The following SLC2A12 variants were observed in gnomAD, a reference collection of about 807,000 sequenced individuals.
SLC2A12 encodes the protein solute carrier family 2, facilitated glucose transporter member 12.
In SLC2A12, 23 loss-of-function variants were observed where a neutral mutation model predicts 41.8. The observed-to-expected ratio is 0.55, with a 90% CI of 0.40 to 0.78. The LOEUF (loss-of-function observed/expected upper bound fraction) is 0.78. SLC2A12 is among the 30% of genes least tolerant of loss of function. The pLI, the probability that SLC2A12 is intolerant of heterozygous loss-of-function variation, is 0.00. For synonymous variants in SLC2A12, 295 were observed against 285.9 expected (o/e 1.03, Z -0.32); for missense variants, 654 against 745.6 (o/e 0.88, Z 1.43).
chr6:134,019,601 G>T (rs1237051804), intron 2 of SLC2A12, among the ~76,000 whole-genome samples: 1 of 152,180 alleles, frequency 6.6e-6, no homozygotes, highest in East Asian at 1.9e-4. Context: ...TGACATACGG[G>T]TTTTAATATT....
rs1387363833 is a variant in SLC2A12 at position 133,989,553 on chromosome 6, A to G, written c.*1602T>C. On this transcript the variant is annotated 3_prime_UTR_variant, in exon 5 of 5. Transcript: ENST00000275230. ...CTTCTCTTTCCAAAAACAAAAAACA[A>G]TGCATGCTCTGATTTGCGTATGAAA... 6.6e-6 allele frequency: 1 copy of G among 152,168 alleles called. No individual in the cohort carries two copies. Among genetic ancestry groups the G allele is most frequent in the African/African-American group, 2.4e-5 (1 of 41,450 alleles). 9.4% of individuals were successfully genotyped at this position (152,168 alleles called of 1,614,324 possible).
chr6:134,015,022 A>G (rs973159931), intron 2 of SLC2A12, among the ~76,000 whole-genome samples: 5 of 152,238 alleles, frequency 3.3e-5, no homozygotes, highest in African/African-American at 1.2e-4. Flanking sequence ...AACCACATGA[A>G]TGCTGTTTTC....
Position 133,989,933 on chromosome 6 carries a change from A to G in SLC2A12, c.*1222T>C, listed in dbSNP as rs969746846. The G allele has an allele frequency of 1.3e-5, 2 of 152,368 alleles. No homozygotes were observed. The highest frequency in any genetic ancestry group is 2.9e-5 in the Non-Finnish European group (2 of 68,044). 9.4% of individuals were successfully genotyped at this position (152,368 alleles called of 1,614,324 possible). ...CTTTTAAGTTTTTTGTGTGTCTTCCATCACTTAAATATTAGTAATTTAATA... is the reference window on the plus strand; with the variant it reads ...CTTTTAAGTTTTTTGTGTGTCTTCCGTCACTTAAATATTAGTAATTTAATA... On this transcript the variant is annotated 3_prime_UTR_variant, in exon 5 of 5. Transcript: ENST00000275230.
At chr6:134,032,870 C>G (rs1239474724) in intron 1 of SLC2A12, among the ~76,000 whole-genome samples, 3 of 138,598 alleles carry the variant, frequency 2.2e-5, no homozygotes, top group Non-Finnish European at 4.6e-5. Flanking sequence ...TAATATATTA[C>G]ATATATTATA....
intron 1 of SLC2A12, 61 bp from the exon 2 acceptor site, chr6:134,029,782 A>T (rs1777176695): frequency 6.6e-7 from 1 of 1,518,286 alleles, no homozygotes; most frequent in Non-Finnish European, 8.8e-7. Flanking sequence ...AACATTTTGT[A>T]TTTGAGCGGA....
rs759250134 is a variant in SLC2A12, at chr6:134,029,676, C to G, written c.149G>C (p.Ser50Thr). 15 of 1,610,500 alleles carry G rather than the reference C, an allele frequency of 9.3e-6. No homozygotes were observed. The South Asian group carries it at 1.6e-4, about 18-fold the overall frequency. The change falls in exon 2 of 5, where the codon AGT becomes ACT. Residue 50 changes from serine (S) to threonine (T), a missense_variant. Transcript: ENST00000275230. ...TFLSSVTAAVSGLLVGYELGI... is the reference protein window; with the variant it reads ...TFLSSVTAAVTGLLVGYELGI... Reference sequence around the variant, plus strand: ...AAGTTCATAACCCACCAGGAGGCCACTGACAGCAGCAGTGACAGATGACAG... The same window carrying G: ...AAGTTCATAACCCACCAGGAGGCCAGTGACAGCAGCAGTGACAGATGACAG...
intron 1 of SLC2A12, among the ~76,000 whole-genome samples, chr6:134,032,473 T>C (rs1337451267): frequency 1.7e-5 from 1 of 59,830 alleles, no homozygotes; most frequent in Admixed American, 1.8e-4. Flanking sequence ...TATTTTTATA[T>C]ATATATATAT....
At chr6:134,035,548 C>A (rs75933342) in intron 1 of SLC2A12, among the ~76,000 whole-genome samples, 2,306 of 152,292 alleles carry the variant, frequency 0.015, 62 homozygotes, top group African/African-American at 0.053. Flanking sequence ...CAAACCTAAG[C>A]ATAAAATCAG....
chr6:133,997,012 C>T (rs984334360), intron 4 of SLC2A12, among the ~76,000 whole-genome samples: 5 of 140,528 alleles, frequency 3.6e-5, no homozygotes, highest in Admixed American at 7.9e-5. Context: ...GAGGCAAAGG[C>T]GGGCAGATCA....
intron 2 of SLC2A12, among the ~76,000 whole-genome samples, chr6:134,021,650 A>G (rs140627154): frequency 1.5e-4 from 23 of 152,312 alleles, no homozygotes; most frequent in African/African-American, 5.1e-4. Context: ...AATAGCTCAG[A>G]GAAGAAAAAT....
intron 1 of SLC2A12, among the ~76,000 whole-genome samples, chr6:134,042,965 TCAAAACAAAA>T (rs71803176): frequency 0.18 from 27,388 of 149,500 alleles, 2,902 homozygotes; most frequent in South Asian, 0.38. Context: ...ACACTCTGTC[TCAAAACAAAA>T]CAAAACAAAA....
chr6:134,041,792 G>A (rs57630001), intron 1 of SLC2A12, among the ~76,000 whole-genome samples: 12,063 of 152,112 alleles, frequency 0.079, 1,040 homozygotes, highest in African/African-American at 0.21. Flanking sequence ...TGGTGATTTT[G>A]CACTTCTGTC....
At chr6:134,000,893 G>T (rs935250540) in intron 4 of SLC2A12, among the ~76,000 whole-genome samples, 2 of 152,118 alleles carry the variant, frequency 1.3e-5, no homozygotes, top group African/African-American at 4.8e-5. Flanking sequence ...ACGGTAGATG[G>T]TTAAGCCTGA....
chr6:134,041,899 C>T (rs1373272866), intron 1 of SLC2A12, among the ~76,000 whole-genome samples: 2 of 152,072 alleles, frequency 1.3e-5, no homozygotes, highest in African/African-American at 4.8e-5. Flanking sequence ...CCTGGCGTCT[C>T]CAGGAAGGGG....
chr6:134,014,525 C>T (rs987778807), intron 2 of SLC2A12, among the ~76,000 whole-genome samples: 3 of 152,286 alleles, frequency 2.0e-5, no homozygotes, highest in Non-Finnish European at 2.9e-5. Context: ...GTCATGGCTT[C>T]GGAGATCATA....
In SLC2A12 at chr6:134,003,742, A is replaced by G. The variant is rs375663085; in HGVS notation, c.1568-1613T>C. ...CAGGTTGCCCTCCTTCAGCGAACAC[A>G]CTGCAATTTTTAAATGGCCCTCTCG... On this transcript the variant is annotated intron_variant, in intron 3 of 4. Transcript: ENST00000275230. Among the ~76,000 whole-genome samples, 76 of 152,248 alleles carry G rather than the reference A, an allele frequency of 5.0e-4. 1 individual carries two copies. Among genetic ancestry groups the G allele is most frequent in the South Asian group, 2.7e-3 (13 of 4,826 alleles).
Position 134,028,494 on chromosome 6 carries a change from T to C in SLC2A12, c.1331A>G (p.His444Arg), listed in dbSNP as rs1296666347. The change falls in exon 2 of 5, where the codon CAC becomes CGC. Residue 444 changes from histidine to arginine, a missense_variant. By Grantham distance (29) the His-to-Arg change is conservative. Around this residue, in one of 3 missense-constraint regions of SLC2A12, gnomAD observed 411 missense variants for 412.1 expected, o/e 1.00. Coordinates refer to ENST00000275230, the MANE Select transcript of SLC2A12 (RefSeq NM_145176.3). ...SASLLNAGLSHTEYQIVTDPG... is the reference protein window; with the variant it reads ...SASLLNAGLSRTEYQIVTDPG... ...GTCTGTGACTATCTGGTATTCAGTG[T>C]GGCTTAATCCAGCATTTAGCAAGGA... 6.2e-7 allele frequency: 1 copy of C among 1,614,112 alleles called. No individual in the cohort carries two copies. The highest frequency in any genetic ancestry group is 8.5e-7 in the Non-Finnish European group (1 of 1,180,038).
intron 2 of SLC2A12, among the ~76,000 whole-genome samples, chr6:134,015,618 G>C (rs149119672): frequency 6.6e-6 from 1 of 152,236 alleles, no homozygotes; most frequent in Non-Finnish European, 1.5e-5. Flanking sequence ...GCCTTTGACT[G>C]TGGTGGTTCT....
intron 4 of SLC2A12, among the ~76,000 whole-genome samples, chr6:134,000,615 G>T (rs983451535): frequency 1.3e-5 from 2 of 152,114 alleles, no homozygotes; most frequent in East Asian, 1.9e-4. Flanking sequence ...ATGGAACGAC[G>T]TAATCCTAGG....
Sources: allele counts gnomAD v4.1 joint callset (sites outside exome capture counted in the v4.1 genomes callset), GRCh38; gene constraint gnomAD v4.1.1; regional missense constraint gnomAD v4.1.1; transcripts MANE v1.5; gene names NCBI Gene and HGNC (gene_info 2026-07-23, HGNC 2026-07-21).